Variants in SIK3 observed in about 807,000 individuals in gnomAD.
SIK3 encodes the protein SIK family kinase 3, also known as serine/threonine-protein kinase SIK3.
In SIK3, 28 loss-of-function variants were observed where a neutral mutation model predicts 144.2. The ratio of observed to expected loss-of-function variants is 0.19; its 90% CI spans 0.14 to 0.27. The LOEUF (loss-of-function observed/expected upper bound fraction) is 0.27. Among genes scored for constraint, SIK3 ranks in the 10% least tolerant of loss-of-function variants. The probability of loss-of-function intolerance (pLI) is 1.00; values close to 1 mark genes in which losing one functional copy is unlikely to be tolerated. For missense variants in SIK3, 1,319 were observed against 1,776.0 expected, an observed-to-expected ratio of 0.74 and a Z score of 4.62; for synonymous variants, 686 against 676.3, an observed-to-expected ratio of 1.01 and a Z score of -0.22.
chr11:116,911,309 A>C (rs1946331907), intron 4 of SIK3, among the ~76,000 whole-genome samples: 1 of 151,708 alleles, frequency 6.6e-6, no homozygotes. Context: ...GGAGTTCGAG[A>C]CCAGCCTGGT....
At chr11:117,086,422 T>C (rs1955007394) in intron 1 of SIK3, among the ~76,000 whole-genome samples, 2 of 152,264 alleles carry the variant, frequency 1.3e-5, no homozygotes, top group African/African-American at 4.8e-5. Flanking sequence ...CTGGGTGCAG[T>C]GGCTCACGCC....
At chr11:117,092,596 C>T (rs7946869) in intron 1 of SIK3, among the ~76,000 whole-genome samples, 34,534 of 152,024 alleles carry the variant, frequency 0.23, 4,389 homozygotes, top group African/African-American at 0.33. Context: ...CTTTTTGTCT[C>T]CCTTGTTCAT....
chr11:117,052,707 T>C (rs1396107133), intron 1 of SIK3, among the ~76,000 whole-genome samples: 1 of 152,238 alleles, frequency 6.6e-6, no homozygotes, highest in Non-Finnish European at 1.5e-5. Flanking sequence ...TGCTCTGGGA[T>C]TAACCTCCTT....
intron 1 of SIK3, among the ~76,000 whole-genome samples, chr11:117,095,095 C>T (rs1178018570): frequency 6.6e-6 from 1 of 150,780 alleles, no homozygotes; most frequent in Non-Finnish European, 1.5e-5. Context: ...TGGGAAAGGG[C>T]CAGCTTAACC....
At chr11:116,908,018 C>T (rs930528226) in intron 4 of SIK3, among the ~76,000 whole-genome samples, 4 of 147,856 alleles carry the variant, frequency 2.7e-5, no homozygotes, top group Admixed American at 2.0e-4. Context: ...GGTATCTTTA[C>T]GGCCTCAGGG....
chr11:116,879,551 T>G (rs1565401652), intron 6 of SIK3, among the ~76,000 whole-genome samples: 1 of 152,244 alleles, frequency 6.6e-6, no homozygotes, highest in Non-Finnish European at 1.5e-5. Context: ...ATTCAACTCT[T>G]CAATTTCTAT....
intron 1 of SIK3, among the ~76,000 whole-genome samples, chr11:117,082,038 G>C (rs1364213859): frequency 6.6e-6 from 1 of 152,164 alleles, no homozygotes; most frequent in African/African-American, 2.4e-5. Context: ...ATGAAATGAT[G>C]CTCACTACCA....
rs193076783 is a variant in SIK3 at position 117,002,557 on chromosome 11, T to G, written c.274-45493A>C. Among the ~76,000 whole-genome samples the G allele has an allele frequency of 2.2e-4, 34 of 152,236 alleles. No individual in the cohort carries two copies. The East Asian group carries it at 6.4e-3, about 28-fold the overall frequency. ...CTTATTTAAGTTACTTTCACTAAGGTCCATCTGGGCAATAGCTCCTCATTC... is the reference window on the plus strand; with the variant it reads ...CTTATTTAAGTTACTTTCACTAAGGGCCATCTGGGCAATAGCTCCTCATTC... On this transcript the variant is annotated intron_variant, in intron 1 of 24. Coordinates refer to ENST00000445177, the MANE Select transcript of SIK3 (RefSeq NM_001366686.3).
chr11:116,887,825 T>C (rs1301504704), intron 6 of SIK3, among the ~76,000 whole-genome samples: 1 of 152,164 alleles, frequency 6.6e-6, no homozygotes, highest in African/African-American at 2.4e-5. Flanking sequence ...TTATAAAAAC[T>C]AGGTGGTATA....
intron 1 of SIK3, among the ~76,000 whole-genome samples, chr11:117,021,926 T>TAG (rs1951778689): frequency 4.9e-5 from 1 of 20,468 alleles, no homozygotes; most frequent in Non-Finnish European, 1.0e-4. Flanking sequence ...CCTCTGTCTC[T>TAG]ACAAAAAAAA....
At chr11:116,937,006 G>A (rs555209665) in intron 3 of SIK3, among the ~76,000 whole-genome samples, 4 of 152,174 alleles carry the variant, frequency 2.6e-5, no homozygotes, top group Admixed American at 2.0e-4. Context: ...CTACTCACCC[G>A]CCCTAGAAAA....
chr11:117,013,951 T>TGTGTGTG (rs1350690829), intron 1 of SIK3, among the ~76,000 whole-genome samples: 20 of 95,334 alleles, frequency 2.1e-4, no homozygotes, highest in East Asian at 5.3e-4. Context: ...TGTGTGTGTG[T>TGTGTGTG]TTTATTTCTT....
At chr11:117,019,219 C>T (rs1951663951) in intron 1 of SIK3, among the ~76,000 whole-genome samples, 1 of 151,838 alleles carries the variant, frequency 6.6e-6, no homozygotes, top group Admixed American at 6.6e-5. Flanking sequence ...AAGGTTTCAC[C>T]GTGTTGCCCA....
intron 4 of SIK3, among the ~76,000 whole-genome samples, chr11:116,906,960 T>G (rs1946074398): frequency 1.3e-5 from 2 of 152,120 alleles, no homozygotes; most frequent in Non-Finnish European, 2.9e-5. Context: ...TGCAGGTGAG[T>G]GGCAAGAGCC....
intron 2 of SIK3, 25 bp downstream of exon 2, chr11:116,956,923 A>C (rs748560068): frequency 7.1e-7 from 1 of 1,417,502 alleles, no homozygotes; most frequent in East Asian, 2.4e-5. Flanking sequence ...CTTTGCAGCT[A>C]TCTGCTATAC....
intron 1 of SIK3, among the ~76,000 whole-genome samples, chr11:117,004,351 C>CA (rs1306656370): frequency 2.0e-5 from 3 of 151,914 alleles, no homozygotes; most frequent in Admixed American, 6.6e-5. Flanking sequence ...CCCATCTCTA[C>CA]AAAAAATACA....
Position 116,916,364 on chromosome 11 carries a change from A to G in SIK3, c.616+10855T>C, listed in dbSNP as rs184504526. 1.2e-4 allele frequency among the ~76,000 whole-genome samples: 19 copies of G among 152,326 alleles called. No homozygotes were observed. In the East Asian group the frequency reaches 2.7e-3, roughly 22 times the overall value. On this transcript the variant is annotated intron_variant, in intron 4 of 24. Transcript: ENST00000445177. The stretch of plus-strand genomic sequence containing the variant: ...ATGATTTTAAGAGAACTGATAAGGT[A>G]TATTTCAGAACTCATAAATGACAAC...
chr11:116,895,873 G>A (rs909856442), intron 6 of SIK3, among the ~76,000 whole-genome samples: 2 of 152,148 alleles, frequency 1.3e-5, no homozygotes, highest in Non-Finnish European at 2.9e-5. Flanking sequence ...CCTGAAAAAG[G>A]GTAGGAAGAC....
intron 1 of SIK3, among the ~76,000 whole-genome samples, chr11:117,044,310 C>G (rs939395749): frequency 6.6e-6 from 1 of 152,088 alleles, no homozygotes; most frequent in African/African-American, 2.4e-5. Flanking sequence ...CTTATAAAAA[C>G]CCATCTCAGT....
Sources: gnomAD v4.1 joint callset for allele counts (sites outside exome capture counted in the v4.1 genomes callset) on GRCh38, gnomAD v4.1.1 for gene constraint, MANE v1.5 for transcripts, NCBI Gene and HGNC (gene_info 2026-07-23, HGNC 2026-07-21) for gene names.